The following ZFP36L1 variants were observed in gnomAD, a reference collection of about 807,000 sequenced individuals.
The protein encoded by ZFP36L1 is ZFP36 like 1 zinc finger CCCH-type, also known as mRNA decay activator protein ZFP36L1.
A neutral mutation model predicts 16.7 loss-of-function variants in ZFP36L1; 4 were observed. The ratio of observed to expected loss-of-function variants is 0.24; its 90% CI spans 0.12 to 0.55. The LOEUF (loss-of-function observed/expected upper bound fraction) is 0.55. ZFP36L1 is among the 20% of genes least tolerant of loss of function. ZFP36L1 has a pLI of 0.94. For missense variants in ZFP36L1, 311 were observed against 449.2 expected (o/e 0.69, Z 2.78); for synonymous variants, 220 against 190.8 (o/e 1.15, Z -1.26).
chr14:68,787,866 T>A lies in ZFP36L1; in HGVS notation c.*1667A>T, dbSNP rs1894954623. 6.6e-6 allele frequency: 1 copy of A among 152,614 alleles called. No individual in the cohort carries two copies. The highest frequency in any genetic ancestry group is 2.1e-4 in the South Asian group (1 of 4,824). 9.5% of individuals were successfully genotyped at this position (152,614 alleles called of 1,614,324 possible). On this transcript the variant is annotated 3_prime_UTR_variant, in exon 2 of 2. Coordinates refer to ENST00000439696, the MANE Select transcript of ZFP36L1 (RefSeq NM_004926.4). ...ACATTGGAAAACTCCAGACCTGGAATCCAGAACCTCAAATCTGTGAGTGGA... is the reference window on the plus strand; with the variant it reads ...ACATTGGAAAACTCCAGACCTGGAAACCAGAACCTCAAATCTGTGAGTGGA...
rs781476840 is a variant in ZFP36L1 at position 68,790,151 on chromosome 14, G to C, written c.399C>G (p.Asp133Glu). 18 of 1,612,032 alleles carry C rather than the reference G, an allele frequency of 1.1e-5. No homozygotes were observed. Among genetic ancestry groups the C allele is most frequent in the Non-Finnish European group, 1.5e-5 (18 of 1,178,660 alleles). Residue 133 changes from aspartate (D) to glutamate (E), a missense_variant, in exon 2 of 2, where the codon GAC becomes GAG. By Grantham distance (45) the Asp-to-Glu change is conservative. Around this residue, in one of 4 missense-constraint regions of ZFP36L1, gnomAD observed 24 missense variants for 88.8 expected, o/e 0.27. Coordinates refer to ENST00000439696, the MANE Select transcript of ZFP36L1 (RefSeq NM_004926.4). ...GGATGCCGTGTGCGAACTGGCACTT[G>C]TCCCCGTACTTACAGGCACCGTTTT... is the stretch of plus-strand genomic sequence containing the variant. ...FEENGACKYG[D>E]KCQFAHGIHE...
chr14:68,792,546 A>T (rs537422030), intron 1 of ZFP36L1, among the ~76,000 whole-genome samples: 2 of 152,226 alleles, frequency 1.3e-5, no homozygotes, highest in South Asian at 4.1e-4. Context: ...CAAACCTGGG[A>T]TCCAGCAGCA....
At chr14:68,796,125 G>A, upstream of ZFP36L1, 1 of 1,365,546 alleles carries the variant, frequency 7.3e-7, no homozygotes, top group South Asian at 1.1e-5. Context: ...CTCTGTCCCA[G>A]GCCCGACTTC....
chr14:68,788,494 G>C lies in ZFP36L1; in HGVS notation c.*1039C>G, dbSNP rs573391334. The stretch of plus-strand genomic sequence containing the variant: ...GTGAGTGCTCTAAGGATAGACCTAC[G>C]GTATTCTAGAGCAAAAACCATTAAA... On this transcript the variant is annotated 3_prime_UTR_variant, in exon 2 of 2. Coordinates refer to ENST00000439696, the MANE Select transcript of ZFP36L1 (RefSeq NM_004926.4). 3.3e-5 allele frequency: 5 copies of C among 152,588 alleles called. No homozygotes were observed. The highest frequency in any genetic ancestry group is 5.9e-5 in the Non-Finnish European group (4 of 68,006). 9.5% of individuals were successfully genotyped at this position (152,588 alleles called of 1,614,324 possible).
rs1401001964 is a variant in ZFP36L1 at position 68,790,116 on chromosome 14, C to T, written c.434G>A (p.Arg145His). Residue 145 changes from arginine (R) to histidine (H), a missense_variant, in exon 2 of 2, where the codon CGC becomes CAC. Coordinates refer to ENST00000439696, the MANE Select transcript of ZFP36L1 (RefSeq NM_004926.4). ...GTACTTGGGGTGGCGGGTCAGGCTG[C>T]GGAGCTCGTGGATGCCGTGTGCGAA... ...CQFAHGIHELRSLTRHPKYKT... is the reference protein window; with the variant it reads ...CQFAHGIHELHSLTRHPKYKT... The T allele has an allele frequency of 1.2e-6, 2 of 1,610,398 alleles. No homozygotes were observed. The highest frequency in any genetic ancestry group is 1.7e-6 in the Non-Finnish European group (2 of 1,177,652).
chr14:68,790,390 A>G lies in ZFP36L1; in HGVS notation c.160T>C (p.Ser54Pro), dbSNP rs1397280295. Reference protein sequence around the residue: ...PAGGGFPRRHSVTLPSSKFHQ... With the variant: ...PAGGGFPRRHPVTLPSSKFHQ... The stretch of plus-strand genomic sequence containing the variant: ...AACTTGGAGCTGGGCAGGGTGACTG[A>G]GTGCCTCCGAGGGAAGCCCCCACCA... The change falls in exon 2 of 2, where the codon TCA becomes CCA. Residue 54 changes from serine to proline, a missense_variant. By Grantham distance (74) the Ser-to-Pro change is moderately conservative. This residue lies in a region of ZFP36L1 where 137 missense variants were observed against 142.6 expected (regional missense o/e 0.96). Transcript: ENST00000439696. 6.2e-7 allele frequency: 1 copy of G among 1,613,728 alleles called. No individual in the cohort carries two copies. Among genetic ancestry groups the G allele is most frequent in the Non-Finnish European group, 8.5e-7 (1 of 1,179,872 alleles).
upstream of ZFP36L1, chr14:68,794,568 GT>G (rs1895198265): frequency 6.6e-6 from 1 of 152,310 alleles, no homozygotes; most frequent in South Asian, 2.1e-4. Flanking sequence ...GCCCTCGCAC[GT>G]TTCTTCCCAG....
rs1894954185 is a variant in ZFP36L1 at position 68,787,839 on chromosome 14, T to C, written c.*1694A>G. 6.5e-6 allele frequency: 1 copy of C among 152,748 alleles called. No homozygotes were observed. The highest frequency in any genetic ancestry group is 2.4e-5 in the African/African-American group (1 of 41,454). The allele number at this position is 152,748 out of a possible 1,614,324, so 9.5% of individuals were successfully genotyped here. A position where few individuals can be genotyped will look rare whatever the true frequency, so the allele number is the denominator to read the frequency against. ...GTGTGTGTGCCAGTTCTGTTTACATTAACATTGGAAAACTCCAGACCTGGA... is the reference window on the plus strand; with the variant it reads ...GTGTGTGTGCCAGTTCTGTTTACATCAACATTGGAAAACTCCAGACCTGGA... On this transcript the variant is annotated 3_prime_UTR_variant, in exon 2 of 2. Coordinates refer to ENST00000439696, the MANE Select transcript of ZFP36L1 (RefSeq NM_004926.4).
upstream of ZFP36L1, chr14:68,795,654 G>A (rs940083222): frequency 2.5e-6 from 1 of 393,686 alleles, no homozygotes; most frequent in South Asian, 1.9e-5. Context: ...CTCCCCGGGG[G>A]CGCGGGCTCC....
In ZFP36L1 at chr14:68,792,834, G is replaced by T. The variant is rs777753572; in HGVS notation, c.57+48C>A. 3.1e-6 allele frequency: 5 copies of T among 1,612,344 alleles called. No homozygotes were observed. The Admixed American group carries it at 8.3e-5, about 27-fold the overall frequency. ...AAACTTTTGGGGGTTCTTTCTTAAGGCAAAAGAAAAAGACTTTTTGAAAAG... is the reference window on the plus strand; with the variant it reads ...AAACTTTTGGGGGTTCTTTCTTAAGTCAAAAGAAAAAGACTTTTTGAAAAG... On this transcript the variant is annotated intron_variant, in intron 1 of 1. Coordinates refer to ENST00000439696, the MANE Select transcript of ZFP36L1 (RefSeq NM_004926.4).
chr14:68,791,215 C>G, intron 1 of ZFP36L1: 1 of 578,246 alleles, frequency 1.7e-6, no homozygotes, highest in Non-Finnish European at 3.1e-6. Context: ...CCACCCCGCC[C>G]CCTTCACTGA....
upstream of ZFP36L1, chr14:68,793,415 G>A (rs1895164270): frequency 3.0e-6 from 3 of 998,942 alleles, no homozygotes; most frequent in Non-Finnish European, 3.6e-6. Flanking sequence ...CGGGCGCAGA[G>A]CGGGAGGGGC....
chr14:68,796,243 G>C, upstream of ZFP36L1: 1 of 1,366,816 alleles, frequency 7.3e-7, no homozygotes, highest in Non-Finnish European at 9.8e-7. Context: ...TGTGCAAGGG[G>C]GAAAGTGAAA....
In ZFP36L1 at chr14:68,793,025, GTCCCACACGCCAGT is replaced by G; in HGVS notation, c.-101_-88del. 1 of 1,605,012 alleles carries G rather than the reference GTCCCACACGCCAGT, an allele frequency of 6.2e-7. No homozygotes were observed. Among genetic ancestry groups the G allele is most frequent in the East Asian group, 2.2e-5 (1 of 44,776 alleles). Reference sequence around the variant, plus strand: ...GAAGGCGCAGCCTCTCCTGTCTGGAGTCCCACACGCCAGTTCCCGGCGCCCCTCGCCTTTCTGAC... The same window carrying G: ...GAAGGCGCAGCCTCTCCTGTCTGGAGTCCCGGCGCCCCTCGCCTTTCTGAC... On this transcript the variant is annotated 5_prime_UTR_variant, in exon 1 of 2. Coordinates refer to ENST00000439696, the MANE Select transcript of ZFP36L1 (RefSeq NM_004926.4).
chr14:68,789,692 A>T lies in ZFP36L1; in HGVS notation c.858T>A (p.Pro286=). The change falls in exon 2 of 2, where the codon CCT becomes CCA. Residue 286 remains proline (P), a synonymous_variant. Coordinates refer to ENST00000439696, the MANE Select transcript of ZFP36L1 (RefSeq NM_004926.4). This position sits in a 1 kb window ranked among gnomAD's most constrained non-coding sequence, Gnocchi z 4.5. ...GGCTGGGGGGAGAGTCAAACATGTG[A>T]GGGGACTCGGACATGGGCCGGAAGA... ...TFLFRPMSES[P]HMFDSPPSPQ... 1 of 1,613,946 alleles carries T rather than the reference A, an allele frequency of 6.2e-7. No individual in the cohort carries two copies. The highest frequency in any genetic ancestry group is 1.1e-5 in the South Asian group (1 of 91,074).
chr14:68,792,518 G>A, intron 1 of ZFP36L1, among the ~76,000 whole-genome samples: 1 of 152,268 alleles, frequency 6.6e-6, no homozygotes, highest in South Asian at 2.1e-4. Context: ...GCGCAGACTG[G>A]GAACCCGATC....
rs1191735334 is a variant in ZFP36L1 at position 68,790,643 on chromosome 14, C to T, written c.58-151G>A. 4.5e-6 allele frequency: 5 copies of T among 1,101,154 alleles called. No individual in the cohort carries two copies. The Admixed American group carries it at 9.5e-5, about 21-fold the overall frequency. 68.2% of individuals were successfully genotyped at this position (1,101,154 alleles called of 1,614,324 possible). ...AGCAAGCTCCCTTCCCTCTCTCCCT[C>T]CCATAGGCCATTCACCTGGGTTTAT... On this transcript the variant is annotated intron_variant, in intron 1 of 1. Coordinates refer to ENST00000439696, the MANE Select transcript of ZFP36L1 (RefSeq NM_004926.4).
In ZFP36L1 at chr14:68,789,352, T is replaced by C. The variant is rs1319382383; in HGVS notation, c.*181A>G. 6.1e-6 allele frequency: 5 copies of C among 823,052 alleles called. No individual in the cohort carries two copies. Among genetic ancestry groups the C allele is most frequent in the South Asian group, 5.8e-5 (3 of 51,912 alleles). The allele number at this position is 823,052 out of a possible 1,614,324, so 51.0% of individuals were successfully genotyped here. A position where few individuals can be genotyped will look rare whatever the true frequency, so the allele number is the denominator to read the frequency against. ...CTACTGACAAATTGACTTGTCCTTA[T>C]GTTAGGTGGGGTTATGAGGGGGAGA... On this transcript the variant is annotated 3_prime_UTR_variant, in exon 2 of 2. Transcript: ENST00000439696. This position sits in a 1 kb window ranked among gnomAD's most constrained non-coding sequence, Gnocchi z 4.5.
upstream of ZFP36L1, chr14:68,793,297 C>T (rs1895159004): frequency 9.6e-7 from 1 of 1,046,106 alleles, no homozygotes; most frequent in African/African-American, 1.7e-5. Context: ...AAAAAAAACC[C>T]CACTGTGAGC....
Sources: allele counts gnomAD v4.1 joint callset (sites outside exome capture counted in the v4.1 genomes callset), GRCh38; gene constraint gnomAD v4.1.1; regional missense constraint gnomAD v4.1.1; non-coding constraint Gnocchi (gnomAD v3.1); transcripts MANE v1.5; gene names NCBI Gene and HGNC (gene_info 2026-07-23, HGNC 2026-07-21).